The following CCBE1 variants were observed in gnomAD, a reference collection of about 807,000 sequenced individuals.
CCBE1 encodes collagen and calcium binding EGF domains 1, also known as collagen and calcium-binding EGF domain-containing protein 1.
In CCBE1, 37 loss-of-function variants were observed where a neutral mutation model predicts 50.0. The observed-to-expected ratio is 0.74, with a 90% CI of 0.57 to 0.97. CCBE1 has a LOEUF of 0.97. CCBE1 is among the 50% of genes least tolerant of loss of function. The pLI, the probability that CCBE1 is intolerant of heterozygous loss-of-function variation, is 0.00. For synonymous variants in CCBE1, 234 were observed against 203.7 expected (o/e 1.15, Z -1.27); for missense variants, 538 against 523.8 (o/e 1.03, Z -0.26).
Position 59,577,723 on chromosome 18 carries a change from T to G in CCBE1, c.213-97485A>C, listed in dbSNP as rs1021933866. Among the ~76,000 whole-genome samples, 5 of 152,264 alleles carry G rather than the reference T, an allele frequency of 3.3e-5. No homozygotes were observed. In the East Asian group the frequency reaches 9.6e-4, roughly 29 times the overall value. On this transcript the variant is annotated intron_variant, in intron 2 of 10. Coordinates refer to ENST00000439986, the MANE Select transcript of CCBE1 (RefSeq NM_133459.4). ...GTTACTGTATGAAATTTTGAACAGA[T>G]GTAAATAGAGAAAAATAAATCAATA... is the stretch of plus-strand genomic sequence containing the variant.
intron 10 of CCBE1, among the ~76,000 whole-genome samples, chr18:59,436,512 G>A (rs928124102): frequency 1.3e-5 from 2 of 152,156 alleles, no homozygotes; most frequent in African/African-American, 4.8e-5. Flanking sequence ...TCTCATCTCT[G>A]CCGCTTACTA....
chr18:59,552,495 T>C (rs1399005806), intron 2 of CCBE1, among the ~76,000 whole-genome samples: 3 of 152,152 alleles, frequency 2.0e-5, no homozygotes, highest in Admixed American at 6.5e-5. Context: ...TACATCTAGG[T>C]TTTGGCAGCA....
chr18:59,453,647 T>C (rs962090618), intron 6 of CCBE1, among the ~76,000 whole-genome samples: 2 of 152,160 alleles, frequency 1.3e-5, no homozygotes, highest in Non-Finnish European at 2.9e-5. Context: ...GGGAAAGAGA[T>C]ACCATCTCAG....
intron 2 of CCBE1, among the ~76,000 whole-genome samples, chr18:59,675,237 T>C (rs1400656328): frequency 6.6e-6 from 1 of 152,222 alleles, no homozygotes; most frequent in Non-Finnish European, 1.5e-5. Flanking sequence ...TGTTCTCTAG[T>C]AATGTGCATT....
chr18:59,677,373 G>A (rs79379328), intron 2 of CCBE1, among the ~76,000 whole-genome samples: 37 of 152,304 alleles, frequency 2.4e-4, no homozygotes, highest in African/African-American at 8.7e-4. Context: ...TGCTGTGAGT[G>A]GGGGCTGGTC....
chr18:59,573,303 G>GTATATATATATATATATATA, intron 2 of CCBE1, among the ~76,000 whole-genome samples: 1 of 105,202 alleles, frequency 9.5e-6, no homozygotes, highest in South Asian at 3.0e-4. Flanking sequence ...ATATATATAT[G>GTATATATATATATATATATA]TATGTATGTG....
chr18:59,609,450 G>C (rs1052103080), intron 2 of CCBE1, among the ~76,000 whole-genome samples: 50 of 152,152 alleles, frequency 3.3e-4, no homozygotes, highest in African/African-American at 1.0e-3. Flanking sequence ...ACATGCTACA[G>C]AACAGTTCCA....
At chr18:59,668,978 C>A (rs544046183) in intron 2 of CCBE1, among the ~76,000 whole-genome samples, 1 of 151,996 alleles carries the variant, frequency 6.6e-6, no homozygotes, top group African/African-American at 2.4e-5. Context: ...GGATTACAGA[C>A]ACACGCCACA....
chr18:59,579,848 C>T (rs2053056475), intron 2 of CCBE1, among the ~76,000 whole-genome samples: 1 of 152,162 alleles, frequency 6.6e-6, no homozygotes, highest in African/African-American at 2.4e-5. Flanking sequence ...ACAGAACACA[C>T]CTCGAACATA....
intron 2 of CCBE1, among the ~76,000 whole-genome samples, chr18:59,614,834 C>T (rs141279897): frequency 3.3e-5 from 5 of 152,346 alleles, no homozygotes; most frequent in East Asian, 1.9e-4. Context: ...AACCTACATA[C>T]GTCTGTTTAT....
intron 2 of CCBE1, among the ~76,000 whole-genome samples, chr18:59,680,227 G>GAA (rs58760246): frequency 8.3e-4 from 121 of 145,492 alleles, no homozygotes; most frequent in African/African-American, 1.6e-3. Flanking sequence ...TTTCAAAAAA[G>GAA]AAAAAAAAAA....
At chr18:59,549,292 G>T (rs1205976676) in intron 2 of CCBE1, among the ~76,000 whole-genome samples, 1 of 152,056 alleles carries the variant, frequency 6.6e-6, no homozygotes, top group Non-Finnish European at 1.5e-5. Context: ...CAGGATGAAT[G>T]CAAATTTTAG....
intron 10 of CCBE1, among the ~76,000 whole-genome samples, chr18:59,437,665 C>G (rs572639562): frequency 1.0e-4 from 15 of 145,524 alleles, no homozygotes; most frequent in African/African-American, 3.2e-4. Context: ...CTTCTCAGGT[C>G]CTAAACAGCC....
intron 2 of CCBE1, among the ~76,000 whole-genome samples, chr18:59,649,897 G>A (rs2054104981): frequency 6.6e-6 from 1 of 152,172 alleles, no homozygotes; most frequent in South Asian, 2.1e-4. Flanking sequence ...TGAGCCTTGG[G>A]GTCCCACTGA....
In CCBE1 at chr18:59,435,666, C is replaced by T. The variant is rs902794023; in HGVS notation, c.*242G>A. The T allele has an allele frequency of 7.0e-6, 4 of 573,960 alleles. No homozygotes were observed. The African/African-American group carries it at 7.5e-5, about 11-fold the overall frequency. The allele number at this position is 573,960 out of a possible 1,614,324, so 35.6% of individuals were successfully genotyped here. ...AAAAGAAAAGTTACAATGCAAACCA[C>T]CCCAATGGACTCTTAGTGAGAAGCA... On this transcript the variant is annotated 3_prime_UTR_variant, in exon 11 of 11. Coordinates refer to ENST00000439986, the MANE Select transcript of CCBE1 (RefSeq NM_133459.4).
chr18:59,684,772 G>A (rs1031343157), intron 2 of CCBE1, among the ~76,000 whole-genome samples: 1 of 152,164 alleles, frequency 6.6e-6, no homozygotes, highest in Non-Finnish European at 1.5e-5. Context: ...CTGGTTTAAG[G>A]TCATGTAGTA....
chr18:59,590,124 A>C (rs2053241450), intron 2 of CCBE1, among the ~76,000 whole-genome samples: 1 of 152,180 alleles, frequency 6.6e-6, no homozygotes, highest in South Asian at 2.1e-4. Flanking sequence ...CACTACCCCC[A>C]CTACTACTGA....
At chr18:59,552,920 T>C (rs1915980969) in intron 2 of CCBE1, among the ~76,000 whole-genome samples, 1 of 152,186 alleles carries the variant, frequency 6.6e-6, no homozygotes, top group African/African-American at 2.4e-5. Context: ...GTCCCACCTG[T>C]CCAGCCATAC....
chr18:59,579,304 T>C (rs145301249), intron 2 of CCBE1, among the ~76,000 whole-genome samples: 130 of 152,192 alleles, frequency 8.5e-4, no homozygotes, highest in Non-Finnish European at 1.5e-3. Flanking sequence ...GTTCCATATA[T>C]GTGCAGACAG....
Sources: gnomAD v4.1 joint callset for allele counts (sites outside exome capture counted in the v4.1 genomes callset) on GRCh38, gnomAD v4.1.1 for gene constraint, MANE v1.5 for transcripts, NCBI Gene and HGNC (gene_info 2026-07-23, HGNC 2026-07-21) for gene names.